Variants in ARHGEF38 observed in about 807,000 individuals in gnomAD.
The protein encoded by ARHGEF38 is Rho guanine nucleotide exchange factor (GEF) 38.
Under a neutral mutation model 79.9 loss-of-function variants are expected in ARHGEF38, and 79 were observed. The observed-to-expected ratio is 0.99, with a 90% confidence interval of 0.82 to 1.19. The LOEUF (loss-of-function observed/expected upper bound fraction) is 1.19, where lower values mean the gene tolerates loss of function less well. Ranked by LOEUF, ARHGEF38 falls within the 50% of genes most tolerant of loss-of-function variation. ARHGEF38 has a pLI of 0.00. For missense variants in ARHGEF38, 962 were observed against 907.2 expected (o/e 1.06, Z -0.78); for synonymous variants, 366 against 328.3 (o/e 1.11, Z -1.24).
In ARHGEF38 at chr4:105,655,609, A is replaced by T. The variant is rs1437329478; in HGVS notation, c.1120A>T (p.Met374Leu). ...SLCLQHIQDA[M>L]PLALQSVMDL... ...CTTTGTTCTTGGGTTTCAGGATGCC[A>T]TGCCCCTGGCTCTGCAGAGTGTGAT... The change falls in exon 9 of 14, where the codon ATG becomes TTG. Residue 374 changes from methionine (M) to leucine (L), a missense_variant. Physicochemically the swap from Met to Leu is conservative, Grantham distance 15. Coordinates refer to ENST00000420470, the MANE Select transcript of ARHGEF38 (RefSeq NM_001242729.2). 1 of 1,535,040 alleles carries T rather than the reference A, an allele frequency of 6.5e-7. No individual in the cohort carries two copies. Among genetic ancestry groups the T allele is most frequent in the South Asian group, 1.2e-5 (1 of 83,602 alleles).
chr4:105,589,224 C>T (rs749755282), intron 1 of ARHGEF38, 24 bp from the exon 2 acceptor site: 78 of 1,591,810 alleles, frequency 4.9e-5, no homozygotes, highest in Middle Eastern at 3.3e-4. Flanking sequence ...GAATGCCTCA[C>T]CTGTATATGT....
intron 2 of ARHGEF38, among the ~76,000 whole-genome samples, chr4:105,604,489 T>A (rs2110479942): frequency 6.6e-6 from 1 of 152,324 alleles, no homozygotes; most frequent in Non-Finnish European, 1.5e-5. Context: ...TCTTTTCCTT[T>A]CTTTTGCAAA....
chr4:105,648,470 C>T (rs1035314409), intron 6 of ARHGEF38, 79 bp from the exon 7 acceptor site: 70 of 1,258,224 alleles, frequency 5.6e-5, no homozygotes, highest in Non-Finnish European at 5.8e-5. Flanking sequence ...TATAAATACT[C>T]GTCTTGAAAA....
At chr4:105,556,734 T>A (rs973460511) in intron 1 of ARHGEF38, among the ~76,000 whole-genome samples, 1 of 152,034 alleles carries the variant, frequency 6.6e-6, no homozygotes, top group Non-Finnish European at 1.5e-5. Context: ...AACTGTTAAA[T>A]AGAGTGAATG....
chr4:105,645,173 T>C lies in ARHGEF38; in HGVS notation c.675-15T>C. ...CATATGTTTGTGAAACTGATATTAT[T>C]TATCTGTATTGTAGAGGCAAACCAA... On this transcript the variant is annotated splice_polypyrimidine_tract_variant and intron_variant, in intron 5 of 13. Transcript: ENST00000420470. The C allele has an allele frequency of 7.2e-7, 1 of 1,392,312 alleles. No homozygotes were observed. 86.2% of individuals were successfully genotyped at this position (1,392,312 alleles called of 1,614,324 possible). A position where few individuals can be genotyped will look rare whatever the true frequency, so the allele number is the denominator to read the frequency against.
intron 5 of ARHGEF38, among the ~76,000 whole-genome samples, chr4:105,640,794 T>C (rs1729586982): frequency 6.6e-6 from 1 of 152,150 alleles, no homozygotes; most frequent in Non-Finnish European, 1.5e-5. Context: ...AATTTAGAGG[T>C]AATTCTTTAT....
At chr4:105,622,099 C>T (rs1578320682) in intron 3 of ARHGEF38, among the ~76,000 whole-genome samples, 1 of 152,112 alleles carries the variant, frequency 6.6e-6, no homozygotes, top group African/African-American at 2.4e-5. Context: ...GCTGCTAGGA[C>T]TTATTTCTTA....
chr4:105,679,332 A>G lies in ARHGEF38; in HGVS notation c.*1395A>G. 2 of 917,348 alleles carry G rather than the reference A, an allele frequency of 2.2e-6. No individual in the cohort carries two copies. The highest frequency in any genetic ancestry group is 2.4e-5 in the East Asian group (1 of 41,608). 56.8% of individuals were successfully genotyped at this position (917,348 alleles called of 1,614,324 possible). A position where few individuals can be genotyped will look rare whatever the true frequency, so the allele number is the denominator to read the frequency against. On this transcript the variant is annotated 3_prime_UTR_variant, in exon 14 of 14. Transcript: ENST00000420470. ...TGTAACCTTTGACTCAATTGGAGGAATATCAAAGCAAACACCCATATTTCC... is the reference window on the plus strand; with the variant it reads ...TGTAACCTTTGACTCAATTGGAGGAGTATCAAAGCAAACACCCATATTTCC...
intron 13 of ARHGEF38, among the ~76,000 whole-genome samples, chr4:105,668,659 T>C: frequency 7.5e-6 from 1 of 134,126 alleles, no homozygotes; most frequent in Non-Finnish European, 1.6e-5. Context: ...TATATGTATA[T>C]GTGTAGATAG....
chr4:105,613,455 G>A lies in ARHGEF38; in HGVS notation c.456G>A (p.Leu152=). ...ESVHQISAKL[L]SLLEEATTDV... ...TGCATCAGATATCAGCCAAGCTGCT[G>A]TCATTGTTGGAAGAGGCCACAACAG... Residue 152 remains leucine (L), a synonymous_variant, in exon 3 of 14, where the codon CTG becomes CTA. Transcript: ENST00000420470. The A allele has an allele frequency of 6.2e-7, 1 of 1,613,368 alleles. No individual in the cohort carries two copies. Among genetic ancestry groups the A allele is most frequent in the Non-Finnish European group, 8.5e-7 (1 of 1,179,488 alleles).
intron 5 of ARHGEF38, among the ~76,000 whole-genome samples, chr4:105,641,896 A>T (rs1729632748): frequency 6.6e-6 from 1 of 152,150 alleles, no homozygotes. Flanking sequence ...ATTTGTAATG[A>T]GATTAGTGTA....
chr4:105,611,051 A>T (rs1406519152), intron 2 of ARHGEF38, among the ~76,000 whole-genome samples: 1 of 152,128 alleles, frequency 6.6e-6, no homozygotes, highest in African/African-American at 2.4e-5. Flanking sequence ...CATAAGTTTG[A>T]GCATGGCTCC....
At chr4:105,597,682 A>G (rs1727641769) in intron 2 of ARHGEF38, among the ~76,000 whole-genome samples, 1 of 152,200 alleles carries the variant, frequency 6.6e-6, no homozygotes, top group Non-Finnish European at 1.5e-5. Context: ...ATTTATGCAA[A>G]CAATTGCCTT....
intron 9 of ARHGEF38, among the ~76,000 whole-genome samples, chr4:105,658,322 T>C (rs1256730065): frequency 6.6e-6 from 1 of 152,082 alleles, no homozygotes; most frequent in Non-Finnish European, 1.5e-5. Flanking sequence ...GGTGGGAGGA[T>C]GGCTTGAGCA....
At chr4:105,585,647 A>G (rs932703433) in intron 1 of ARHGEF38, among the ~76,000 whole-genome samples, 2 of 142,052 alleles carry the variant, frequency 1.4e-5, no homozygotes, top group African/African-American at 5.2e-5. Context: ...TTGACATTGT[A>G]TTTTATTATA....
intron 1 of ARHGEF38, chr4:105,563,203 A>G (rs1418464791): frequency 1.3e-5 from 2 of 152,198 alleles, no homozygotes; most frequent in African/African-American, 2.4e-5. Flanking sequence ...TAGAGACACA[A>G]ATAAAGCAAT....
At chr4:105,645,431 T>C in intron 6 of ARHGEF38, 44 bp downstream of exon 6, 1 of 1,425,108 alleles carries the variant, frequency 7.0e-7, no homozygotes, top group Non-Finnish European at 9.3e-7. Context: ...ATTATTGGAG[T>C]GTTTGCTTTA....
At chr4:105,598,121 A>G (rs988389409) in intron 2 of ARHGEF38, among the ~76,000 whole-genome samples, 6 of 152,122 alleles carry the variant, frequency 3.9e-5, no homozygotes, top group Admixed American at 3.9e-4. Flanking sequence ...ACAACCTCCT[A>G]TGTATCTTGG....
At chr4:105,626,297 C>A (rs1190389809) in intron 3 of ARHGEF38, among the ~76,000 whole-genome samples, 1 of 152,144 alleles carries the variant, frequency 6.6e-6, no homozygotes. Flanking sequence ...CACACATGTT[C>A]AATGTCCATT....
Sources: gnomAD v4.1 joint callset for allele counts (sites outside exome capture counted in the v4.1 genomes callset) on GRCh38, gnomAD v4.1.1 for gene constraint, MANE v1.5 for transcripts, NCBI Gene and HGNC (gene_info 2026-07-23, HGNC 2026-07-21) for gene names.